Variants in CTNND2 observed in about 807,000 individuals in gnomAD.
The protein encoded by CTNND2 is catenin delta-2.
CTNND2 carries 22 observed loss-of-function variants against 144.4 expected under a neutral mutation model. The observed-to-expected ratio is 0.15, with a 90% CI of 0.11 to 0.22. The LOEUF (loss-of-function observed/expected upper bound fraction) is 0.22. Among genes scored for constraint, CTNND2 ranks in the 10% least tolerant of loss-of-function variants. The probability of loss-of-function intolerance (pLI) is 1.00; values close to 1 mark genes in which losing one functional copy is unlikely to be tolerated. For synonymous variants in CTNND2, 751 were observed against 695.6 expected (o/e 1.08, Z -1.25); for missense variants, 1,353 against 1,618.8 (o/e 0.84, Z 2.82).
At chr5:11,621,290 T>C (rs989674288) in intron 2 of CTNND2, among the ~76,000 whole-genome samples, 14 of 152,242 alleles carry the variant, frequency 9.2e-5, no homozygotes, top group Admixed American at 6.5e-4. Flanking sequence ...CAAAAAAATC[T>C]GTTCAGTGTA....
At chr5:11,476,454 T>A (rs1767750782) in intron 3 of CTNND2, among the ~76,000 whole-genome samples, 1 of 152,160 alleles carries the variant, frequency 6.6e-6, no homozygotes, top group Non-Finnish European at 1.5e-5. Flanking sequence ...TCCAGATGGC[T>A]TAGGAAAATT....
At chr5:11,838,542 T>A (rs183174313) in intron 1 of CTNND2, among the ~76,000 whole-genome samples, 1 of 152,098 alleles carries the variant, frequency 6.6e-6, no homozygotes. Flanking sequence ...TTTGAGGTAA[T>A]AGGATTCAGC....
intron 3 of CTNND2, among the ~76,000 whole-genome samples, chr5:11,561,034 G>T (rs75880240): frequency 6.6e-6 from 1 of 152,264 alleles, no homozygotes; most frequent in African/African-American, 2.4e-5. Context: ...CAACCTGGAC[G>T]AGGACTGGAT....
chr5:11,551,665 C>A (rs1484492552), intron 3 of CTNND2, among the ~76,000 whole-genome samples: 3 of 151,994 alleles, frequency 2.0e-5, no homozygotes, highest in Admixed American at 2.0e-4. Context: ...ATGGTGCGAT[C>A]TTGGCTCACT....
At chr5:11,227,636 C>T (rs1458575524) in intron 10 of CTNND2, among the ~76,000 whole-genome samples, 1 of 151,894 alleles carries the variant, frequency 6.6e-6, no homozygotes, top group Non-Finnish European at 1.5e-5. Context: ...TAGACAGGAA[C>T]CAGTCTCAAT....
At chr5:11,359,896 A>G (rs987083677) in intron 8 of CTNND2, among the ~76,000 whole-genome samples, 1 of 152,138 alleles carries the variant, frequency 6.6e-6, no homozygotes, top group African/African-American at 2.4e-5. Flanking sequence ...GTCAATAGTG[A>G]AATTTGTTTC....
intron 3 of CTNND2, among the ~76,000 whole-genome samples, chr5:11,431,330 C>A (rs1029826248): frequency 5.3e-5 from 8 of 152,176 alleles, no homozygotes; most frequent in African/African-American, 1.9e-4. Context: ...CCTAGACACA[C>A]TTAGGTCAGC....
intron 6 of CTNND2, among the ~76,000 whole-genome samples, chr5:11,393,026 G>A (rs1207734144): frequency 6.6e-6 from 1 of 152,130 alleles, no homozygotes; most frequent in Non-Finnish European, 1.5e-5. Flanking sequence ...CCGCATGAGT[G>A]TGCACCAATA....
intron 9 of CTNND2, among the ~76,000 whole-genome samples, chr5:11,327,604 G>C (rs887068964): frequency 1.3e-5 from 2 of 152,162 alleles, no homozygotes; most frequent in African/African-American, 4.8e-5. Flanking sequence ...TGATCCTGGG[G>C]CCTTATTATG....
At chr5:11,279,923 C>G (rs1431888886) in intron 9 of CTNND2, among the ~76,000 whole-genome samples, 1 of 152,176 alleles carries the variant, frequency 6.6e-6, no homozygotes, top group Non-Finnish European at 1.5e-5. Flanking sequence ...TGGTGCTAAA[C>G]CATTCATGAG....
At chr5:11,706,093 G>A (rs1484489832) in intron 2 of CTNND2, among the ~76,000 whole-genome samples, 3 of 152,122 alleles carry the variant, frequency 2.0e-5, no homozygotes, top group South Asian at 4.1e-4. Context: ...CAGACCTGGA[G>A]GTCTGAACAA....
intron 1 of CTNND2, among the ~76,000 whole-genome samples, chr5:11,798,972 C>T (rs1334850452): frequency 3.9e-5 from 6 of 152,036 alleles, no homozygotes; most frequent in Admixed American, 3.9e-4. Flanking sequence ...AGGGAGGTAA[C>T]AGGCAGTTTC....
intron 3 of CTNND2, among the ~76,000 whole-genome samples, chr5:11,496,353 T>A (rs1769938533): frequency 6.6e-6 from 1 of 152,150 alleles, no homozygotes. Context: ...TTCAGAACTG[T>A]CACACTGAGA....
chr5:11,899,337 A>C (rs1216326357), intron 1 of CTNND2, among the ~76,000 whole-genome samples: 1 of 152,190 alleles, frequency 6.6e-6, no homozygotes, highest in Non-Finnish European at 1.5e-5. Flanking sequence ...TAATCAGGTG[A>C]CTAATATAAC....
chr5:11,893,829 A>C (rs1406587291), intron 1 of CTNND2, among the ~76,000 whole-genome samples: 1 of 152,154 alleles, frequency 6.6e-6, no homozygotes, highest in Non-Finnish European at 1.5e-5. Context: ...AACCCATGCT[A>C]AACTGCTGAA....
chr5:11,541,027 T>C (rs2150069315), intron 3 of CTNND2, among the ~76,000 whole-genome samples: 1 of 152,250 alleles, frequency 6.6e-6, no homozygotes, highest in Admixed American at 6.5e-5. Flanking sequence ...GACTGCAAAA[T>C]ACGACACCAT....
chr5:11,408,437 TAAGA>T (rs1467196575), intron 5 of CTNND2, among the ~76,000 whole-genome samples: 4 of 152,156 alleles, frequency 2.6e-5, no homozygotes. Flanking sequence ...AAATGGTTCT[TAAGA>T]ATAATAATAT....
chr5:11,765,633 G>A (rs1020047367), intron 1 of CTNND2, among the ~76,000 whole-genome samples: 1 of 151,978 alleles, frequency 6.6e-6, no homozygotes, highest in African/African-American at 2.4e-5. Flanking sequence ...TGAAAATGGC[G>A]TCGAACTCTC....
intron 3 of CTNND2, among the ~76,000 whole-genome samples, chr5:11,424,334 G>C (rs1207028545): frequency 1.3e-5 from 2 of 152,180 alleles, no homozygotes; most frequent in East Asian, 3.8e-4. Flanking sequence ...GATGGAGAAG[G>C]AGGTGTGTGG....
Sources: allele counts gnomAD v4.1 joint callset (sites outside exome capture counted in the v4.1 genomes callset), GRCh38; gene constraint gnomAD v4.1.1; transcripts MANE v1.5; gene names NCBI Gene and HGNC (gene_info 2026-07-23, HGNC 2026-07-21).